The following ARFGAP1 variants were observed in gnomAD, a reference collection of about 807,000 sequenced individuals.
The protein encoded by ARFGAP1 is ADP-ribosylation factor GTPase-activating protein 1.
Under a neutral mutation model 54.0 loss-of-function variants are expected in ARFGAP1, and 26 were observed. The observed-to-expected ratio is 0.48, with a 90% CI of 0.35 to 0.67. ARFGAP1 has a LOEUF of 0.67. Among genes scored for constraint, ARFGAP1 ranks in the 30% least tolerant of loss-of-function variants. The pLI is 0.00. For missense variants in ARFGAP1, 525 were observed against 535.8 expected, an observed-to-expected ratio of 0.98 and a Z score of 0.20; for synonymous variants, 248 against 211.9, an observed-to-expected ratio of 1.17 and a Z score of -1.48.
Position 63,287,546 on chromosome 20 carries a change from C to T in ARFGAP1, c.912-18C>T, listed in dbSNP as rs889512235. On this transcript the variant is annotated intron_variant, in intron 12 of 12. Transcript: ENST00000370283. The stretch of plus-strand genomic sequence containing the variant: ...TGAGTAACAGTCATTTAGAGTCCCC[C>T]TTCTGTCTCTTTAAAAGCCCCTCGG... 3 of 1,563,890 alleles carry T rather than the reference C, an allele frequency of 1.9e-6. No homozygotes were observed. Among genetic ancestry groups the T allele is most frequent in the East Asian group, 2.3e-5 (1 of 44,170 alleles).
rs2123317909 is a variant in ARFGAP1, at chr20:63,286,459, C to T, written c.911+17C>T. On this transcript the variant is annotated intron_variant, in intron 12 of 12. Transcript: ENST00000370283. ...CTTGGACAGGTATGCTGTGTCCCCTCCTGGGCCTTGCATCCCACTCCCCTG... is the reference window on the plus strand; with the variant it reads ...CTTGGACAGGTATGCTGTGTCCCCTTCTGGGCCTTGCATCCCACTCCCCTG... The T allele has an allele frequency of 2.5e-6, 4 of 1,610,568 alleles. No individual in the cohort carries two copies. Among genetic ancestry groups the T allele is most frequent in the Non-Finnish European group, 2.5e-6 (3 of 1,178,294 alleles).
At chr20:63,286,153 C>T in intron 11 of ARFGAP1, 1 of 1,550,274 alleles carries the variant, frequency 6.5e-7, no homozygotes, top group South Asian at 1.2e-5. Context: ...GTGCACGAGG[C>T]TGTCCTCGCT....
rs755259238 is a variant in ARFGAP1 at position 63,287,622 on chromosome 20, A to G, written c.970A>G (p.Ile324Val). 2.5e-6 allele frequency: 4 copies of G among 1,612,532 alleles called. No homozygotes were observed. In the South Asian group the frequency reaches 3.3e-5, roughly 13 times the overall value. ...SGLDHFQNSN[I>V]DQSFWETFGS... ...TCTGGACCACTTCCAAAACAGCAAC[A>G]TAGACCAGAGCTTCTGGGAGACCTT... The change falls in exon 13 of 13, where the codon ATA becomes GTA. Residue 324 changes from isoleucine (I) to valine (V), a missense_variant. This residue lies in a region of ARFGAP1 where 466 missense variants were observed against 453.6 expected (regional missense o/e 1.03). Transcript: ENST00000370283.
At chr20:63,284,071 G>T in intron 9 of ARFGAP1, 1 of 1,413,786 alleles carries the variant, frequency 7.1e-7, no homozygotes. Context: ...GGCTGTGTGT[G>T]CCTGTCACCC....
chr20:63,274,527 G>C (rs191169792), intron 1 of ARFGAP1, among the ~76,000 whole-genome samples: 24 of 152,198 alleles, frequency 1.6e-4, no homozygotes, highest in African/African-American at 5.5e-4. Context: ...GCTTCCCATG[G>C]CTTACAGAGT....
intron 11 of ARFGAP1, 186 bp downstream of exon 11, chr20:63,285,899 C>T: frequency 6.9e-7 from 1 of 1,444,654 alleles, no homozygotes; most frequent in Non-Finnish European, 9.3e-7. Flanking sequence ...ACTTGGCCCA[C>T]TGCGGCCCGG....
At chr20:63,286,507 C>A in intron 12 of ARFGAP1, 65 bp downstream of exon 12, 1 of 1,487,500 alleles carries the variant, frequency 6.7e-7, no homozygotes, top group Non-Finnish European at 9.3e-7. Flanking sequence ...CTCCTACAGG[C>A]TCTCCAGGAG....
chr20:63,282,878 TG>T, intron 9 of ARFGAP1, 27 bp downstream of exon 9: 1 of 1,612,652 alleles, frequency 6.2e-7, no homozygotes, highest in South Asian at 1.1e-5. Flanking sequence ...TTCTGCACCC[TG>T]GTGCATCTGA....
Position 63,281,837 on chromosome 20 carries a change from G to A in ARFGAP1, c.684+490G>A, listed in dbSNP as rs573012219. The stretch of plus-strand genomic sequence containing the variant: ...AGACCCAAGAGCAGGCCTGACACCA[G>A]GATGGAGCATGGGCCCCCGGGGGCT... On this transcript the variant is annotated intron_variant, in intron 8 of 12. Coordinates refer to ENST00000370283, the MANE Select transcript of ARFGAP1 (RefSeq NM_018209.4). Among the ~76,000 whole-genome samples the A allele has an allele frequency of 2.0e-5, 3 of 152,314 alleles. No homozygotes were observed. In the East Asian group the frequency reaches 5.8e-4, roughly 29 times the overall value.
At chr20:63,275,349 C>T (rs1455817982) in intron 1 of ARFGAP1, among the ~76,000 whole-genome samples, 3 of 152,158 alleles carry the variant, frequency 2.0e-5, no homozygotes, top group African/African-American at 4.8e-5. Flanking sequence ...TCCTGATCAT[C>T]GCCCTGGCCG....
Position 63,288,216 on chromosome 20 carries a change from G to C in ARFGAP1, c.*343G>C. On this transcript the variant is annotated 3_prime_UTR_variant, in exon 13 of 13. Transcript: ENST00000370283. ...GTTCCAGCGGCCAGTTCACTACGCA[G>C]TATCTCTGGGGCCTGGGACCAGCCA... 1 of 559,084 alleles carries C rather than the reference G, an allele frequency of 1.8e-6. No individual in the cohort carries two copies. Among genetic ancestry groups the C allele is most frequent in the Non-Finnish European group, 3.4e-6 (1 of 294,970 alleles). 34.6% of individuals were successfully genotyped at this position (559,084 alleles called of 1,614,324 possible).
rs2067517579 is a variant in ARFGAP1, at chr20:63,285,731, T to TA, written c.834+19dup. Reference sequence around the variant, plus strand: ...CGTCCAAGGTAGGGAGCCTGCCAGATACGCGGGCACAGTCGAAGCCAGTCT... The same window carrying TA: ...CGTCCAAGGTAGGGAGCCTGCCAGATAACGCGGGCACAGTCGAAGCCAGTCT... On this transcript the variant is annotated intron_variant, in intron 11 of 12. Coordinates refer to ENST00000370283, the MANE Select transcript of ARFGAP1 (RefSeq NM_018209.4). 1.2e-6 allele frequency: 2 copies of TA among 1,612,072 alleles called. No individual in the cohort carries two copies. The highest frequency in any genetic ancestry group is 1.7e-6 in the Non-Finnish European group (2 of 1,178,712).
rs1244643782 is a variant in ARFGAP1, at chr20:63,288,563, G to A, written c.*690G>A. 6.6e-6 allele frequency: 3 copies of A among 451,926 alleles called. No individual in the cohort carries two copies. The highest frequency in any genetic ancestry group is 2.0e-5 in the African/African-American group (1 of 50,006). The allele number at this position is 451,926 out of a possible 1,614,324, so 28.0% of individuals were successfully genotyped here. A position where few individuals can be genotyped will look rare whatever the true frequency, so the allele number is the denominator to read the frequency against. On this transcript the variant is annotated 3_prime_UTR_variant, in exon 13 of 13. Coordinates refer to ENST00000370283, the MANE Select transcript of ARFGAP1 (RefSeq NM_018209.4). ...CCACACCTGAGCTGTTCTCAGTGCTGGAACTTGACCATCCTGGAACACCCT... is the reference window on the plus strand; with the variant it reads ...CCACACCTGAGCTGTTCTCAGTGCTAGAACTTGACCATCCTGGAACACCCT...
Position 63,276,129 on chromosome 20 carries a change from C to T in ARFGAP1, c.99C>T (p.Val33=), listed in dbSNP as rs1480837499. The change falls in exon 3 of 13, where the codon GTC becomes GTT. Residue 33 remains valine, a synonymous_variant. Coordinates refer to ENST00000370283, the MANE Select transcript of ARFGAP1 (RefSeq NM_018209.4). This position sits in a 1 kb window ranked among gnomAD's most constrained non-coding sequence, Gnocchi z 5.2. ...FECGAFNPQW[V]SVTYGIWICL... ...GTGGCGCGTTCAATCCTCAGTGGGT[C>T]AGTGTGACCTACGGCATCTGGATCT... is the stretch of plus-strand genomic sequence containing the variant. 2.5e-6 allele frequency: 4 copies of T among 1,614,082 alleles called. No individual in the cohort carries two copies. Among genetic ancestry groups the T allele is most frequent in the Admixed American group, 1.7e-5 (1 of 60,028 alleles).
chr20:63,277,161 C>T, intron 4 of ARFGAP1, 44 bp from the exon 5 acceptor site: 1 of 1,561,194 alleles, frequency 6.4e-7, no homozygotes, highest in Non-Finnish European at 8.8e-7. Context: ...GAGGGCATCG[C>T]CAGGCGCCTT....
Position 63,288,081 on chromosome 20 carries a change from C to A in ARFGAP1, c.*208C>A. On this transcript the variant is annotated 3_prime_UTR_variant, in exon 13 of 13. Coordinates refer to ENST00000370283, the MANE Select transcript of ARFGAP1 (RefSeq NM_018209.4). ...GCGTGGGGGCGGCTTGCTGTCCAGC[C>A]TGTGTGGGGGCCGTCCCGTCCCACA... 1.6e-6 allele frequency: 1 copy of A among 639,546 alleles called. No individual in the cohort carries two copies. The highest frequency in any genetic ancestry group is 2.7e-6 in the Non-Finnish European group (1 of 372,316). 39.6% of individuals were successfully genotyped at this position (639,546 alleles called of 1,614,324 possible).
At position 63,287,767 on chromosome 20, in the gene ARFGAP1, C is replaced by T. The variant is rs2067600712; in HGVS notation, c.1115C>T (p.Thr372Ile). 1 of 1,609,616 alleles carries T rather than the reference C, an allele frequency of 6.2e-7. No homozygotes were observed. Among genetic ancestry groups the T allele is most frequent in the Non-Finnish European group, 8.5e-7 (1 of 1,178,750 alleles). Reference sequence around the variant, plus strand: ...TGGGAGGTGTGGGGCTCGGCCTCCACCAACAGGAACAGCAACAGCGACGGC... The same window carrying T: ...TGGGAGGTGTGGGGCTCGGCCTCCATCAACAGGAACAGCAACAGCGACGGC... ...DSWEVWGSAS[T>I]NRNSNSDGGE... The change falls in exon 13 of 13, where the codon ACC becomes ATC. Residue 372 changes from threonine to isoleucine, a missense_variant. Physicochemically the swap from Thr to Ile is moderately conservative, Grantham distance 89. Transcript: ENST00000370283.
chr20:63,279,034 A>ACC (rs2123243098), intron 7 of ARFGAP1, 39 bp downstream of exon 7: 1 of 1,604,256 alleles, frequency 6.2e-7, no homozygotes, highest in Non-Finnish European at 8.5e-7. Context: ...CCATGGGCAG[A>ACC]CCCCGCCCTG....
At chr20:63,274,164 G>C (rs550270924) in intron 1 of ARFGAP1, 1 of 152,342 alleles carries the variant, frequency 6.6e-6, no homozygotes, top group East Asian at 1.9e-4. Flanking sequence ...GCAGAAGGGA[G>C]CCCAGGGTGA....
Sources: allele counts gnomAD v4.1 joint callset (sites outside exome capture counted in the v4.1 genomes callset), GRCh38; gene constraint gnomAD v4.1.1; regional missense constraint gnomAD v4.1.1; non-coding constraint Gnocchi (gnomAD v3.1); transcripts MANE v1.5; gene names NCBI Gene and HGNC (gene_info 2026-07-23, HGNC 2026-07-21).